Variants in KCNIP1 observed in about 807,000 individuals in gnomAD.
KCNIP1 encodes A-type potassium channel modulatory protein KCNIP1.
Under a neutral mutation model 33.0 loss-of-function variants are expected in KCNIP1, and 18 were observed. The ratio of observed to expected loss-of-function variants is 0.55; its 90% confidence interval spans 0.38 to 0.81. KCNIP1 has a LOEUF of 0.81. Among genes scored for constraint, KCNIP1 ranks in the 30% least tolerant of loss-of-function variants. The probability of loss-of-function intolerance (pLI) is 0.00; values close to 1 mark genes in which losing one functional copy is unlikely to be tolerated. For synonymous variants in KCNIP1, 93 were observed against 98.3 expected (o/e 0.95, Z 0.32); for missense variants, 238 against 271.6 (o/e 0.88, Z 0.87).
chr5:170,488,502 A>C (rs1243678853), intron 1 of KCNIP1, among the ~76,000 whole-genome samples: 2 of 152,258 alleles, frequency 1.3e-5, no homozygotes, highest in Non-Finnish European at 2.9e-5. Flanking sequence ...ACGGTTAAGC[A>C]TCAGAGGAGG....
chr5:170,568,648 TAAAA>T (rs33992187), intron 1 of KCNIP1, among the ~76,000 whole-genome samples: 936 of 43,726 alleles, frequency 0.021, 25 homozygotes, highest in African/African-American at 0.053. Flanking sequence ...CCGTTTCTAC[TAAAA>T]AAAAAAAAAA....
chr5:170,392,625 C>A (rs1345186756), intron 1 of KCNIP1, among the ~76,000 whole-genome samples: 1 of 152,174 alleles, frequency 6.6e-6, no homozygotes, highest in Admixed American at 6.5e-5. Context: ...TAGTTCGAGA[C>A]CAGCCTGGCC....
chr5:170,682,316 T>C (rs1277032903), intron 1 of KCNIP1, among the ~76,000 whole-genome samples: 1 of 152,182 alleles, frequency 6.6e-6, no homozygotes, highest in East Asian at 1.9e-4. Flanking sequence ...AATTCTAGAG[T>C]GATCCAAAGG....
chr5:170,652,714 C>T, intron 1 of KCNIP1, among the ~76,000 whole-genome samples: 1 of 152,160 alleles, frequency 6.6e-6, no homozygotes, highest in East Asian at 1.9e-4. Flanking sequence ...TCTAGGGTCC[C>T]TGCAGGGACA....
chr5:170,622,816 C>G, intron 1 of KCNIP1, among the ~76,000 whole-genome samples: 1 of 152,096 alleles, frequency 6.6e-6, no homozygotes, highest in Non-Finnish European at 1.5e-5. Context: ...CTTCAGACTC[C>G]CAGCCTCCAG....
intron 1 of KCNIP1, among the ~76,000 whole-genome samples, chr5:170,481,676 G>A (rs1290907126): frequency 6.6e-6 from 1 of 152,110 alleles, no homozygotes; most frequent in African/African-American, 2.4e-5. Flanking sequence ...TCACTCAATT[G>A]AAGGGTGTAG....
chr5:170,364,531 C>T (rs947337341), intron 1 of KCNIP1, among the ~76,000 whole-genome samples: 11 of 152,298 alleles, frequency 7.2e-5, no homozygotes, highest in South Asian at 2.1e-4. Context: ...TAAATGCAGA[C>T]TCCTCTCAGT....
At chr5:170,602,184 A>T (rs1404784982) in intron 1 of KCNIP1, among the ~76,000 whole-genome samples, 3 of 152,218 alleles carry the variant, frequency 2.0e-5, no homozygotes, top group Non-Finnish European at 2.9e-5. Flanking sequence ...TGGGGACAGT[A>T]AGTCAGTCAA....
chr5:170,620,654 A>C (rs1759566062), intron 1 of KCNIP1, among the ~76,000 whole-genome samples: 1 of 152,214 alleles, frequency 6.6e-6, no homozygotes, highest in African/African-American at 2.4e-5. Context: ...AAGCCGTATC[A>C]GGTTGAATTT....
At chr5:170,626,430 C>A (rs1235951523) in intron 1 of KCNIP1, among the ~76,000 whole-genome samples, 1 of 152,172 alleles carries the variant, frequency 6.6e-6, no homozygotes, top group Non-Finnish European at 1.5e-5. Context: ...TGCCCCCCTC[C>A]CATGGCACCG....
At chr5:170,704,193 C>T (rs1763184683) in intron 1 of KCNIP1, among the ~76,000 whole-genome samples, 1 of 119,638 alleles carries the variant, frequency 8.4e-6, no homozygotes, top group Admixed American at 9.1e-5. Flanking sequence ...GCAGAGGACT[C>T]ATGACAGGGA....
chr5:170,578,865 T>C (rs914844591), intron 1 of KCNIP1, among the ~76,000 whole-genome samples: 3 of 152,010 alleles, frequency 2.0e-5, no homozygotes, highest in Admixed American at 2.0e-4. Flanking sequence ...GAGACAGTCA[T>C]GAAGAGAGAT....
chr5:170,450,816 G>A (rs1331321849), intron 1 of KCNIP1, among the ~76,000 whole-genome samples: 8 of 152,084 alleles, frequency 5.3e-5, no homozygotes, highest in African/African-American at 1.9e-4. Flanking sequence ...CCTGCGGATC[G>A]CAAGCTGAGC....
intron 1 of KCNIP1, among the ~76,000 whole-genome samples, chr5:170,611,341 A>T (rs1759143777): frequency 6.6e-6 from 1 of 152,152 alleles, no homozygotes; most frequent in African/African-American, 2.4e-5. Context: ...AAATACTCAC[A>T]TTTGGTGCTG....
At chr5:170,498,003 T>G (rs977677418) in intron 1 of KCNIP1, among the ~76,000 whole-genome samples, 6 of 152,258 alleles carry the variant, frequency 3.9e-5, no homozygotes, top group Non-Finnish European at 8.8e-5. Flanking sequence ...ACATCAGTCC[T>G]GCTCCCTCCA....
chr5:170,511,618 C>G (rs1754932605), intron 1 of KCNIP1, among the ~76,000 whole-genome samples: 1 of 152,230 alleles, frequency 6.6e-6, no homozygotes, highest in African/African-American at 2.4e-5. Context: ...GCTCAAATGA[C>G]TCTGGCCTCC....
chr5:170,367,559 C>T (rs1222041171), intron 1 of KCNIP1, among the ~76,000 whole-genome samples: 1 of 151,996 alleles, frequency 6.6e-6, no homozygotes, highest in Non-Finnish European at 1.5e-5. Context: ...ACCACTAGAC[C>T]CTTCCAGTTG....
Position 170,623,422 on chromosome 5 carries a change from G to A in KCNIP1, c.62-95336G>A, listed in dbSNP as rs142376587. 5.3e-3 allele frequency among the ~76,000 whole-genome samples: 803 copies of A among 152,084 alleles called. 6 individuals are homozygous for A. Among genetic ancestry groups the A allele is most frequent in the African/African-American group, 0.018 (763 of 41,472 alleles). On this transcript the variant is annotated intron_variant, in intron 1 of 7. Transcript: ENST00000328939. ...AGATGGGGTTTCTCCATGTTGGTCA[G>A]GCTGGTCTTGAACTCCCGACCTCAA...
intron 1 of KCNIP1, among the ~76,000 whole-genome samples, chr5:170,435,504 T>C (rs1755842144): frequency 6.6e-6 from 1 of 152,062 alleles, no homozygotes; most frequent in South Asian, 2.1e-4. Context: ...ACAGGATGGT[T>C]TTTGGGGCTT....
Sources: allele counts gnomAD v4.1 joint callset (sites outside exome capture counted in the v4.1 genomes callset), GRCh38; gene constraint gnomAD v4.1.1; transcripts MANE v1.5; gene names NCBI Gene and HGNC (gene_info 2026-07-23, HGNC 2026-07-21).